Variants in GCGR observed in about 807,000 individuals in gnomAD.
GCGR encodes the protein glucagon receptor.
A neutral mutation model predicts 56.1 loss-of-function variants in GCGR; 41 were observed. That is an observed-to-expected ratio of 0.73 (90% confidence interval 0.57 to 0.95). The LOEUF (loss-of-function observed/expected upper bound fraction) is 0.95, where lower values mean the gene tolerates loss of function less well. Among genes scored for constraint, GCGR ranks in the 40% least tolerant of loss-of-function variants. GCGR has a pLI of 0.00. For missense variants in GCGR, 595 were observed against 638.2 expected, an observed-to-expected ratio of 0.93 and a Z score of 0.73; for synonymous variants, 278 against 271.1, an observed-to-expected ratio of 1.03 and a Z score of -0.25.
chr17:81,809,981 G>C, intron 3 of GCGR, 97 bp downstream of exon 3: 1 of 933,548 alleles, frequency 1.1e-6, no homozygotes. Flanking sequence ...TGCAGCCTTT[G>C]AGGACCCCGC....
rs1419839154 is a variant in GCGR at position 81,812,665 on chromosome 17, G to T, written c.1037G>T (p.Arg346Leu). 6.5e-7 allele frequency: 1 copy of T among 1,534,128 alleles called. No individual in the cohort carries two copies. Among genetic ancestry groups the T allele is most frequent in the Non-Finnish European group, 8.7e-7 (1 of 1,145,090 alleles). The change falls in exon 11 of 14, where the codon CGG becomes CTG. Residue 346 changes from arginine to leucine, a missense_variant and splice_region_variant. Physicochemically the swap from Arg to Leu is moderately radical, Grantham distance 102 (BLOSUM62 -2). Coordinates refer to ENST00000400723, the MANE Select transcript of GCGR (RefSeq NM_000160.5). The surrounding 1 kb of genome is among the most constrained non-coding windows in gnomAD (Gnocchi z 8.5). ...ATGCACCACACAGACTACAAGTTCCGGTGGGTGCCGCGGCAGCTGGCGTCT... is the reference window on the plus strand; with the variant it reads ...ATGCACCACACAGACTACAAGTTCCTGTGGGTGCCGCGGCAGCTGGCGTCT... The part of the protein sequence containing the change: ...RQMHHTDYKF[R>L]LAKSTLTLIP...
In GCGR at chr17:81,813,748, AC is replaced by A; in HGVS notation, c.*62del. ...GGCACCCAGAGGGCGTCGCTGGACAACCCAGAACTGGACGCCCAGCTGAGGC... is the reference window on the plus strand; with the variant it reads ...GGCACCCAGAGGGCGTCGCTGGACAACCAGAACTGGACGCCCAGCTGAGGC... On this transcript the variant is annotated 3_prime_UTR_variant, in exon 14 of 14. Coordinates refer to ENST00000400723, the MANE Select transcript of GCGR (RefSeq NM_000160.5). This position sits in a 1 kb window ranked among gnomAD's most constrained non-coding sequence, Gnocchi z 5.3. The A allele has an allele frequency of 6.8e-7, 1 of 1,472,008 alleles. No individual in the cohort carries two copies. Among genetic ancestry groups the A allele is most frequent in the Non-Finnish European group, 9.1e-7 (1 of 1,099,976 alleles). The allele number at this position is 1,472,008 out of a possible 1,614,324, so 91.2% of individuals were successfully genotyped here. A position where few individuals can be genotyped will look rare whatever the true frequency, so the allele number is the denominator to read the frequency against.
Position 81,804,767 on chromosome 17 carries a change from C to T in GCGR, c.-178+518C>T, listed in dbSNP as rs997103934. Among the ~76,000 whole-genome samples, 41 of 152,166 alleles carry T rather than the reference C, an allele frequency of 2.7e-4. No homozygotes were observed. The highest frequency in any genetic ancestry group is 1.3e-4 in the Admixed American group (2 of 15,286). On this transcript the variant is annotated intron_variant, in intron 1 of 13. Transcript: ENST00000400723. This position sits in a 1 kb window ranked among gnomAD's most constrained non-coding sequence, Gnocchi z 8.2. Reference sequence around the variant, plus strand: ...GCGCCCCGCCTGGCCGCTCCTCTTCCGCGGCCCACACTGGCGACTTTGACC... The same window carrying T: ...GCGCCCCGCCTGGCCGCTCCTCTTCTGCGGCCCACACTGGCGACTTTGACC...
rs950110187 is a variant in GCGR at position 81,812,716 on chromosome 17, G to A, written c.1037+51G>A. On this transcript the variant is annotated intron_variant, in intron 11 of 13. Transcript: ENST00000400723. This position sits in a 1 kb window ranked among gnomAD's most constrained non-coding sequence, Gnocchi z 8.5. ...CGAGACCTGGAGACCCTCAGGGCCA[G>A]AGGGCAGCTGGGGGTGGGGACTCCA... 1 of 1,530,186 alleles carries A rather than the reference G, an allele frequency of 6.5e-7. No homozygotes were observed. Among genetic ancestry groups the A allele is most frequent in the African/African-American group, 1.4e-5 (1 of 72,896 alleles). 94.8% of individuals were successfully genotyped at this position (1,530,186 alleles called of 1,614,324 possible). A position where few individuals can be genotyped will look rare whatever the true frequency, so the allele number is the denominator to read the frequency against.
In GCGR at chr17:81,812,727, G is replaced by C; in HGVS notation, c.1037+62G>C. The C allele has an allele frequency of 6.5e-7, 1 of 1,530,300 alleles. No homozygotes were observed. The highest frequency in any genetic ancestry group is 1.4e-5 in the African/African-American group (1 of 72,958). The allele number at this position is 1,530,300 out of a possible 1,614,324, so 94.8% of individuals were successfully genotyped here. A position where few individuals can be genotyped will look rare whatever the true frequency, so the allele number is the denominator to read the frequency against. On this transcript the variant is annotated intron_variant, in intron 11 of 13. Coordinates refer to ENST00000400723, the MANE Select transcript of GCGR (RefSeq NM_000160.5). The surrounding 1 kb of genome is among the most constrained non-coding windows in gnomAD (Gnocchi z 8.5). ...GACCCTCAGGGCCAGAGGGCAGCTG[G>C]GGGTGGGGACTCCAAGCTCCACGTG...
chr17:81,809,147 T>TCTGCCTGCCTGC (rs372083352), intron 2 of GCGR, 69 bp downstream of exon 2: 6 of 1,044,390 alleles, frequency 5.7e-6, no homozygotes, highest in African/African-American at 2.3e-5. Flanking sequence ...TGGCTCTCTG[T>TCTGCCTGCCTGC]CTGCCTGCCT....
chr17:81,805,940 G>A (rs2037954343), intron 1 of GCGR, among the ~76,000 whole-genome samples: 1 of 152,186 alleles, frequency 6.6e-6, no homozygotes, highest in African/African-American at 2.4e-5. Context: ...GCTGACCGGG[G>A]CCCGGGGGTG....
intron 1 of GCGR, among the ~76,000 whole-genome samples, chr17:81,807,394 C>T (rs1283594122): frequency 6.6e-6 from 1 of 152,228 alleles, no homozygotes; most frequent in Non-Finnish European, 1.5e-5. Context: ...ATTCAGCTGT[C>T]ACACTGCTTG....
chr17:81,810,682 G>C lies in GCGR; in HGVS notation c.164-143G>C, dbSNP rs967036982. 1.2e-5 allele frequency: 9 copies of C among 738,452 alleles called. No homozygotes were observed. Among genetic ancestry groups the C allele is most frequent in the South Asian group, 5.0e-5 (3 of 59,618 alleles). 45.7% of individuals were successfully genotyped at this position (738,452 alleles called of 1,614,324 possible). On this transcript the variant is annotated intron_variant, in intron 3 of 13. Transcript: ENST00000400723. This position sits in a 1 kb window ranked among gnomAD's most constrained non-coding sequence, Gnocchi z 4.6. ...CAGATGGGGGAGGTGGAGGTCAAGTGGGGGAGGGAGCAGCCCAGGCCATGT... is the reference window on the plus strand; with the variant it reads ...CAGATGGGGGAGGTGGAGGTCAAGTCGGGGAGGGAGCAGCCCAGGCCATGT...
chr17:81,808,934 G>C lies in GCGR; in HGVS notation c.-85G>C. ...CTGCTCTGCCACTCAGCTGCCCTCG[G>C]AGGAGCGTACACACCCACCAGGACT... On this transcript the variant is annotated 5_prime_UTR_variant, in exon 2 of 14. Transcript: ENST00000400723. 1 of 1,490,762 alleles carries C rather than the reference G, an allele frequency of 6.7e-7. No individual in the cohort carries two copies. Among genetic ancestry groups the C allele is most frequent in the Non-Finnish European group, 9.0e-7 (1 of 1,107,104 alleles). 92.3% of individuals were successfully genotyped at this position (1,490,762 alleles called of 1,614,324 possible).
rs2037971921 is a variant in GCGR, at chr17:81,806,698, A to G, written c.-177-2144A>G. 6.6e-6 allele frequency among the ~76,000 whole-genome samples: 1 copy of G among 152,112 alleles called. No individual in the cohort carries two copies. On this transcript the variant is annotated intron_variant, in intron 1 of 13. Coordinates refer to ENST00000400723, the MANE Select transcript of GCGR (RefSeq NM_000160.5). This position sits in a 1 kb window ranked among gnomAD's most constrained non-coding sequence, Gnocchi z 6.5. ...TCTCTGGCAGAGTTGGGGCAGAGCC[A>G]GGCTTGGCCACGCTGGGCTCTAAGG...
At position 81,811,593 on chromosome 17, in the gene GCGR, G is replaced by A. The variant is rs1444033815; in HGVS notation, c.657+33G>A. On this transcript the variant is annotated intron_variant, in intron 7 of 13. Coordinates refer to ENST00000400723, the MANE Select transcript of GCGR (RefSeq NM_000160.5). This position sits in a 1 kb window ranked among gnomAD's most constrained non-coding sequence, Gnocchi z 5.8. ...CCCCTCGGCGGCCCCAGGCAGGTGG[G>A]TGGGTGGGCAGCCAGGCAGGTGGCC... is the stretch of plus-strand genomic sequence containing the variant. 3.9e-6 allele frequency: 6 copies of A among 1,536,162 alleles called. No individual in the cohort carries two copies. The highest frequency in any genetic ancestry group is 4.4e-6 in the Non-Finnish European group (5 of 1,146,802).
chr17:81,811,763 C>T lies in GCGR; in HGVS notation c.770C>T (p.Thr257Ile). 1 of 1,538,734 alleles carries T rather than the reference C, an allele frequency of 6.5e-7. No homozygotes were observed. Among genetic ancestry groups the T allele is most frequent in the East Asian group, 2.4e-5 (1 of 41,026 alleles). The change falls in exon 8 of 14, where the codon ACC (threonine) becomes ATC (isoleucine). Residue 257 changes from threonine (T) to isoleucine (I), a missense_variant. Transcript: ENST00000400723. The surrounding 1 kb of genome is among the most constrained non-coding windows in gnomAD (Gnocchi z 5.8). ...CTGCACAACCTGCTGGGCCTGGCCA[C>T]CCTCCCCGAGAGGAGCTTCTTCAGC... ...LYLHNLLGLATLPERSFFSLY... is the reference protein window; with the variant it reads ...LYLHNLLGLAILPERSFFSLY...
In GCGR at chr17:81,810,705, T is replaced by C; in HGVS notation, c.164-120T>C. On this transcript the variant is annotated intron_variant, in intron 3 of 13. Coordinates refer to ENST00000400723, the MANE Select transcript of GCGR (RefSeq NM_000160.5). This position sits in a 1 kb window ranked among gnomAD's most constrained non-coding sequence, Gnocchi z 4.6. ...GTGGGGGAGGGAGCAGCCCAGGCCA[T>C]GTCCTGGGCGAGGTGACGGCCGAGC... 1.1e-6 allele frequency: 1 copy of C among 914,094 alleles called. No individual in the cohort carries two copies. Among genetic ancestry groups the C allele is most frequent in the Non-Finnish European group, 1.7e-6 (1 of 588,846 alleles). 56.6% of individuals were successfully genotyped at this position (914,094 alleles called of 1,614,324 possible). A position where few individuals can be genotyped will look rare whatever the true frequency, so the allele number is the denominator to read the frequency against.
At position 81,813,578 on chromosome 17, in the gene GCGR, C is replaced by T. The variant is rs1034721681; in HGVS notation, c.1323C>T (p.His441=). ...SNHRASSSPG[H]GPPSKELQFG... ...ACAGGGCCTCATCTTCGCCCGGCCA[C>T]GGCCCTCCCAGCAAGGAGCTGCAGT... Residue 441 remains histidine (H), a synonymous_variant, in exon 14 of 14, where the codon CAC becomes CAT. Transcript: ENST00000400723. This position sits in a 1 kb window ranked among gnomAD's most constrained non-coding sequence, Gnocchi z 5.3. 3.4e-5 allele frequency: 52 copies of T among 1,536,348 alleles called. No homozygotes were observed. The highest frequency in any genetic ancestry group is 2.0e-4 in the Admixed American group (10 of 50,984).
rs941924133 is a variant in GCGR, at chr17:81,813,638, G to A, written c.1383G>A (p.Ala461=). ...GTGGTGGCAGCCAGGATTCATCTGC[G>A]GAGACCCCCTTGGCTGGTGGCCTCC... is the stretch of plus-strand genomic sequence containing the variant. The part of the protein sequence containing the change: ...GRGGGSQDSS[A]ETPLAGGLPR... Residue 461 remains alanine, a synonymous_variant, in exon 14 of 14, where the codon GCG becomes GCA. Transcript: ENST00000400723. This position sits in a 1 kb window ranked among gnomAD's most constrained non-coding sequence, Gnocchi z 5.3. 7.2e-6 allele frequency: 11 copies of A among 1,536,328 alleles called. No homozygotes were observed. The highest frequency in any genetic ancestry group is 5.9e-5 in the South Asian group (5 of 84,046).
Position 81,804,545 on chromosome 17 carries a change from C to T in GCGR, c.-178+296C>T, listed in dbSNP as rs999172075. ...CGGGGGTGTCGCTGGCCGCCTGGCG[C>T]CCTGCGGCGGCCACACTGCAGCGGC... On this transcript the variant is annotated intron_variant, in intron 1 of 13. Coordinates refer to ENST00000400723, the MANE Select transcript of GCGR (RefSeq NM_000160.5). The surrounding 1 kb of genome is among the most constrained non-coding windows in gnomAD (Gnocchi z 8.2). Among the ~76,000 whole-genome samples the T allele has an allele frequency of 1.3e-5, 2 of 151,760 alleles. No individual in the cohort carries two copies. The highest frequency in any genetic ancestry group is 4.8e-5 in the African/African-American group (2 of 41,344).
chr17:81,809,141 T>C, intron 2 of GCGR, 63 bp downstream of exon 2: 1 of 1,491,388 alleles, frequency 6.7e-7, no homozygotes, highest in Admixed American at 2.1e-5. Context: ...CACTGATGGC[T>C]CTCTGTCTGC....
chr17:81,807,416 G>T (rs1449644099), intron 1 of GCGR, among the ~76,000 whole-genome samples: 1 of 152,200 alleles, frequency 6.6e-6, no homozygotes, highest in African/African-American at 2.4e-5. Flanking sequence ...GGCATCTCAG[G>T]CCCCGTTAGC....
Sources: allele counts gnomAD v4.1 joint callset (sites outside exome capture counted in the v4.1 genomes callset), GRCh38; gene constraint gnomAD v4.1.1; non-coding constraint Gnocchi (gnomAD v3.1); transcripts MANE v1.5; gene names NCBI Gene and HGNC (gene_info 2026-07-23, HGNC 2026-07-21).